The following SNTG1 variants were observed in gnomAD, a reference collection of about 807,000 sequenced individuals.
SNTG1 encodes the protein syntrophin gamma 1, also known as gamma-1-syntrophin.
Under a neutral mutation model 74.7 loss-of-function variants are expected in SNTG1, and 39 were observed. That is an observed-to-expected ratio of 0.52 (90% CI 0.40 to 0.68). SNTG1 has a LOEUF of 0.68. Ranked by LOEUF, SNTG1 falls within the 30% of genes least tolerant of loss-of-function variation. The probability of loss-of-function intolerance (pLI) is 0.00; values close to 1 mark genes in which losing one functional copy is unlikely to be tolerated. For missense variants in SNTG1, 685 were observed against 609.5 expected, an observed-to-expected ratio of 1.12 and a Z score of -1.30; for synonymous variants, 254 against 217.1, an observed-to-expected ratio of 1.17 and a Z score of -1.49.
At chr8:50,692,769 T>C (rs1199031826) in intron 15 of SNTG1, among the ~76,000 whole-genome samples, 1 of 152,210 alleles carries the variant, frequency 6.6e-6, no homozygotes, top group Non-Finnish European at 1.5e-5. Flanking sequence ...AACTACTCTC[T>C]TCAAAGCTGT....
At chr8:50,466,404 T>C (rs79256177) in intron 8 of SNTG1, among the ~76,000 whole-genome samples, 4,321 of 152,134 alleles carry the variant, frequency 0.028, 81 homozygotes, top group Middle Eastern at 0.11. Flanking sequence ...ATTGATCATG[T>C]GTATTCTTTT....
chr8:50,205,018 C>T (rs574364422), intron 2 of SNTG1, among the ~76,000 whole-genome samples: 225 of 152,144 alleles, frequency 1.5e-3, no homozygotes, highest in South Asian at 2.9e-3. Context: ...TGAATAGTGC[C>T]GCAATAAACA....
intron 17 of SNTG1, among the ~76,000 whole-genome samples, chr8:50,713,656 G>A (rs772545201): frequency 1.1e-4 from 17 of 152,012 alleles, no homozygotes; most frequent in South Asian, 2.1e-4. Flanking sequence ...TAAGTCTTAC[G>A]TTTAAGTCTT....
At chr8:49,939,741 G>A (rs1191820249) in intron 1 of SNTG1, among the ~76,000 whole-genome samples, 1 of 152,100 alleles carries the variant, frequency 6.6e-6, no homozygotes, top group Non-Finnish European at 1.5e-5. Flanking sequence ...CTTGTTCTCT[G>A]TGGTATATTC....
intron 8 of SNTG1, among the ~76,000 whole-genome samples, chr8:50,492,142 G>T (rs1011158121): frequency 5.3e-5 from 8 of 152,134 alleles, no homozygotes; most frequent in Non-Finnish European, 1.0e-4. Context: ...TCATTGATGG[G>T]CATTTGGATT....
At chr8:49,915,156 T>A (rs1193380308) in intron 1 of SNTG1, 2 of 152,188 alleles carry the variant, frequency 1.3e-5, no homozygotes, top group African/African-American at 2.4e-5. Context: ...TTTTTCTTCC[T>A]TAAATTTGGG....
intron 1 of SNTG1, among the ~76,000 whole-genome samples, chr8:49,973,301 G>C (rs1353205930): frequency 6.6e-6 from 1 of 151,784 alleles, no homozygotes; most frequent in Non-Finnish European, 1.5e-5. Flanking sequence ...CTCATAGGTG[G>C]GAATTGAACA....
intron 17 of SNTG1, among the ~76,000 whole-genome samples, chr8:50,751,504 G>A (rs574404155): frequency 6.6e-6 from 1 of 152,142 alleles, no homozygotes; most frequent in African/African-American, 2.4e-5. Flanking sequence ...TACTTTCCAA[G>A]ATATTACAGA....
At chr8:50,610,723 C>T (rs931363162) in intron 13 of SNTG1, among the ~76,000 whole-genome samples, 6 of 152,186 alleles carry the variant, frequency 3.9e-5, no homozygotes, top group African/African-American at 9.6e-5. Context: ...GTAATTTCAT[C>T]GACCGCTGAG....
At chr8:50,263,100 T>A (rs574943706) in intron 2 of SNTG1, among the ~76,000 whole-genome samples, 1 of 152,220 alleles carries the variant, frequency 6.6e-6, no homozygotes, top group African/African-American at 2.4e-5. Flanking sequence ...AATGTAACTA[T>A]GAACTTTTCG....
intron 2 of SNTG1, among the ~76,000 whole-genome samples, chr8:50,258,510 A>C (rs1178000302): frequency 6.6e-6 from 1 of 152,170 alleles, no homozygotes; most frequent in Non-Finnish European, 1.5e-5. Flanking sequence ...AAATATTCAA[A>C]CATTTAAAAA....
At chr8:50,013,074 G>A (rs781536306) in intron 1 of SNTG1, among the ~76,000 whole-genome samples, 2 of 152,072 alleles carry the variant, frequency 1.3e-5, no homozygotes, top group African/African-American at 4.8e-5. Context: ...GGATATGAAA[G>A]CATTAGAATA....
chr8:50,616,473 G>A (rs1009324765), intron 13 of SNTG1, among the ~76,000 whole-genome samples: 1 of 152,162 alleles, frequency 6.6e-6, no homozygotes, highest in African/African-American at 2.4e-5. Flanking sequence ...ACAGGATTCA[G>A]CTGCTGCTAC....
chr8:50,090,292 G>A (rs138001855), intron 1 of SNTG1, among the ~76,000 whole-genome samples: 112 of 152,276 alleles, frequency 7.4e-4, no homozygotes, highest in Middle Eastern at 3.4e-3. Context: ...ACTTGTAACC[G>A]AAGAGGTAAG....
chr8:50,085,679 A>C, intron 1 of SNTG1, among the ~76,000 whole-genome samples: 1 of 152,216 alleles, frequency 6.6e-6, no homozygotes, highest in Non-Finnish European at 1.5e-5. Flanking sequence ...GATATAAAGT[A>C]ATCCTGACCT....
At chr8:49,971,240 C>T (rs1481953508) in intron 1 of SNTG1, among the ~76,000 whole-genome samples, 5 of 152,096 alleles carry the variant, frequency 3.3e-5, no homozygotes, top group Non-Finnish European at 7.4e-5. Flanking sequence ...AACAATCCAG[C>T]ATATAAACAG....
intron 4 of SNTG1, among the ~76,000 whole-genome samples, chr8:50,407,548 G>A (rs1322980893): frequency 6.6e-6 from 1 of 152,146 alleles, no homozygotes; most frequent in Non-Finnish European, 1.5e-5. Context: ...ATATTTTCAG[G>A]TCTATCACAT....
At chr8:50,004,323 C>T (rs1815014801) in intron 1 of SNTG1, among the ~76,000 whole-genome samples, 1 of 152,088 alleles carries the variant, frequency 6.6e-6, no homozygotes. Flanking sequence ...TATGTTTATT[C>T]CTAGTTAATT....
At chr8:50,049,802 G>A (rs1394871727) in intron 1 of SNTG1, among the ~76,000 whole-genome samples, 1 of 152,026 alleles carries the variant, frequency 6.6e-6, no homozygotes, top group Non-Finnish European at 1.5e-5. Context: ...ATAATAGAAA[G>A]ATAGCTGGAA....
Sources: allele counts gnomAD v4.1 joint callset (sites outside exome capture counted in the v4.1 genomes callset), GRCh38; gene constraint gnomAD v4.1.1; transcripts MANE v1.5; gene names NCBI Gene and HGNC (gene_info 2026-07-23, HGNC 2026-07-21).